The following PRKCA variants were observed in gnomAD, a reference collection of about 807,000 sequenced individuals.
The protein encoded by PRKCA is protein kinase C alpha.
Under a neutral mutation model 87.0 loss-of-function variants are expected in PRKCA, and 27 were observed. That is an observed-to-expected ratio of 0.31 (90% confidence interval 0.23 to 0.43). The LOEUF is 0.43. Among genes scored for constraint, PRKCA ranks in the 20% least tolerant of loss-of-function variants. The pLI is 1.00. For missense variants in PRKCA, 518 were observed against 852.3 expected (o/e 0.61, Z 4.88); for synonymous variants, 329 against 311.1 (o/e 1.06, Z -0.61).
chr17:66,614,152 C>T (rs1322558735), intron 3 of PRKCA, among the ~76,000 whole-genome samples: 1 of 152,154 alleles, frequency 6.6e-6, no homozygotes, highest in East Asian at 1.9e-4. Context: ...TAATATCACT[C>T]TCTCCGATTC....
chr17:66,791,759 A>C (rs1975544038), intron 16 of PRKCA, among the ~76,000 whole-genome samples: 1 of 152,332 alleles, frequency 6.6e-6, no homozygotes, highest in Middle Eastern at 3.4e-3. Flanking sequence ...GGACATTTAG[A>C]ACAGCAAAAA....
chr17:66,310,054 G>A (rs62069941), intron 2 of PRKCA, among the ~76,000 whole-genome samples: 9,750 of 152,052 alleles, frequency 0.064, 433 homozygotes, highest in Non-Finnish European at 0.1. Flanking sequence ...GAGCCAACTC[G>A]ATTTTTTTCC....
intron 2 of PRKCA, among the ~76,000 whole-genome samples, chr17:66,475,333 C>G (rs887093428): frequency 6.6e-6 from 1 of 152,024 alleles, no homozygotes; most frequent in Non-Finnish European, 1.5e-5. Context: ...GCTCTTTTGG[C>G]AGCCATGGCA....
chr17:66,429,916 T>C (rs1483155509), intron 2 of PRKCA, among the ~76,000 whole-genome samples: 1 of 152,144 alleles, frequency 6.6e-6, no homozygotes. Flanking sequence ...CAGATTTGGG[T>C]TCATGGATGT....
chr17:66,495,388 G>A (rs532815973), intron 2 of PRKCA, among the ~76,000 whole-genome samples: 5 of 152,198 alleles, frequency 3.3e-5, no homozygotes, highest in African/African-American at 1.2e-4. Flanking sequence ...TGCTGAGGAA[G>A]TCCTGCAACC....
chr17:66,721,397 A>C (rs200658134), intron 8 of PRKCA, among the ~76,000 whole-genome samples: 1 of 49,910 alleles, frequency 2.0e-5, no homozygotes, highest in African/African-American at 2.2e-4. Context: ...TTCCGTCTCA[A>C]AAAAAAAAAA....
chr17:66,654,695 A>T (rs1456422105), intron 5 of PRKCA, among the ~76,000 whole-genome samples: 1 of 152,208 alleles, frequency 6.6e-6, no homozygotes, highest in Non-Finnish European at 1.5e-5. Context: ...ATGGCTCCGC[A>T]GCTCCTGTGA....
At chr17:66,493,563 C>G (rs1485476389) in intron 2 of PRKCA, among the ~76,000 whole-genome samples, 1 of 151,988 alleles carries the variant, frequency 6.6e-6, no homozygotes, top group South Asian at 2.1e-4. Flanking sequence ...TGTCTGTCCT[C>G]CCTGCCTCCC....
chr17:66,381,715 C>T (rs1479528557), intron 2 of PRKCA, among the ~76,000 whole-genome samples: 1 of 152,142 alleles, frequency 6.6e-6, no homozygotes, highest in Non-Finnish European at 1.5e-5. Flanking sequence ...CCACTGTCTT[C>T]CAGGTTTTCA....
At chr17:66,389,949 C>T (rs1327660597) in intron 2 of PRKCA, among the ~76,000 whole-genome samples, 5 of 152,224 alleles carry the variant, frequency 3.3e-5, no homozygotes, top group Non-Finnish European at 7.3e-5. Context: ...AGAGGCCGGG[C>T]GCAGTGGCTC....
chr17:66,446,238 A>G (rs1321630152), intron 2 of PRKCA, among the ~76,000 whole-genome samples: 2 of 150,788 alleles, frequency 1.3e-5, no homozygotes, highest in Non-Finnish European at 3.0e-5. Flanking sequence ...CTCTCTTCCC[A>G]ACACACACAC....
chr17:66,652,763 C>G (rs541855848), intron 5 of PRKCA, among the ~76,000 whole-genome samples: 1 of 152,196 alleles, frequency 6.6e-6, no homozygotes, highest in Non-Finnish European at 1.5e-5. Context: ...CTGTAGAGGT[C>G]ATTCTTGGCT....
intron 3 of PRKCA, among the ~76,000 whole-genome samples, chr17:66,626,447 C>T (rs1970858636): frequency 6.6e-6 from 1 of 151,438 alleles, no homozygotes; most frequent in Admixed American, 6.6e-5. Flanking sequence ...CTGCAACCTC[C>T]GCCTCCTGGG....
At chr17:66,719,946 G>A (rs887953142) in intron 8 of PRKCA, among the ~76,000 whole-genome samples, 2 of 152,198 alleles carry the variant, frequency 1.3e-5, no homozygotes, top group African/African-American at 2.4e-5. Context: ...ATGAAAAGCT[G>A]CCTTCCCCAT....
intron 8 of PRKCA, among the ~76,000 whole-genome samples, chr17:66,710,341 C>T (rs1006809366): frequency 1.3e-5 from 2 of 152,104 alleles, no homozygotes; most frequent in Non-Finnish European, 2.9e-5. Context: ...CTGTGTTGTA[C>T]TCAATCTCGT....
chr17:66,633,395 G>A (rs1293873495), intron 3 of PRKCA, among the ~76,000 whole-genome samples: 2 of 152,122 alleles, frequency 1.3e-5, no homozygotes, highest in Non-Finnish European at 2.9e-5. Flanking sequence ...TTGAAGCAGT[G>A]TTTTGGGTGT....
At chr17:66,471,254 G>A (rs1020381019) in intron 2 of PRKCA, among the ~76,000 whole-genome samples, 2 of 152,160 alleles carry the variant, frequency 1.3e-5, no homozygotes, top group African/African-American at 4.8e-5. Flanking sequence ...AGAAAGATTG[G>A]ATACTCTTGC....
At chr17:66,624,453 A>T (rs958755721) in intron 3 of PRKCA, among the ~76,000 whole-genome samples, 1 of 152,132 alleles carries the variant, frequency 6.6e-6, no homozygotes, top group Non-Finnish European at 1.5e-5. Context: ...GAGGGTTCTA[A>T]ATTTGCACTC....
intron 13 of PRKCA, among the ~76,000 whole-genome samples, chr17:66,757,717 T>G (rs1974584739): frequency 6.6e-6 from 1 of 151,912 alleles, no homozygotes; most frequent in African/African-American, 2.4e-5. Flanking sequence ...GTTAAAAGAA[T>G]TTTTTTTGTT....
Sources: gnomAD v4.1 joint callset for allele counts (sites outside exome capture counted in the v4.1 genomes callset) on GRCh38, gnomAD v4.1.1 for gene constraint, MANE v1.5 for transcripts, NCBI Gene and HGNC (gene_info 2026-07-23, HGNC 2026-07-21) for gene names.